The following AGPAT2 variants were observed in gnomAD, a reference collection of about 807,000 sequenced individuals.
The protein encoded by AGPAT2 is 1-acyl-sn-glycerol-3-phosphate acyltransferase beta.
AGPAT2 carries 18 observed loss-of-function variants against 26.1 expected under a neutral mutation model. The ratio of observed to expected loss-of-function variants is 0.69; its 90% CI spans 0.48 to 1.02. AGPAT2 has a LOEUF of 1.02. Ranked by LOEUF, AGPAT2 falls within the 50% of genes least tolerant of loss-of-function variation. The pLI is 0.00. For missense variants in AGPAT2, 415 were observed against 394.9 expected (o/e 1.05, Z -0.43); for synonymous variants, 200 against 174.2 (o/e 1.15, Z -1.16).
chr9:136,674,026 T>C (rs898986047), intron 5 of AGPAT2, 99 bp from the exon 6 acceptor site: 55 of 1,239,244 alleles, frequency 4.4e-5, no homozygotes, highest in Middle Eastern at 2.9e-4. Context: ...CCACAGCCCC[T>C]CCCTGGGAAG....
At position 136,676,539 on chromosome 9, in the gene AGPAT2, G is replaced by A. The variant is rs745560344; in HGVS notation, c.588+46C>T. ...TGCTGCCTTAAGCCAGCCTGACCCC[G>A]CCTCCCCAGCCTGCACCCACCCAGG... On this transcript the variant is annotated intron_variant, in intron 4 of 5. Coordinates refer to ENST00000371696, the MANE Select transcript of AGPAT2 (RefSeq NM_006412.4). 83 of 1,521,186 alleles carry A rather than the reference G, an allele frequency of 5.5e-5. No individual in the cohort carries two copies. In the Admixed American group the frequency reaches 1.1e-3, roughly 21 times the overall value. The allele number at this position is 1,521,186 out of a possible 1,614,324, so 94.2% of individuals were successfully genotyped here. A position where few individuals can be genotyped will look rare whatever the true frequency, so the allele number is the denominator to read the frequency against.
In AGPAT2 at chr9:136,673,776, C is replaced by A. The variant is rs759149037; in HGVS notation, c.813G>T (p.Gly271=). ...GCTACTGGGCCGGCTGCACGCCAGA[C>A]CCCGCAGTGGCCCCGTTCTCCTGGG... is the stretch of plus-strand genomic sequence containing the variant. ...KTPQENGATA[G]SGVQPAQ is the part of the protein sequence containing the mutation. The change falls in exon 6 of 6, where the codon GGG becomes GGT. Residue 271 remains glycine, a synonymous_variant. Transcript: ENST00000371696. 1.8e-5 allele frequency: 29 copies of A among 1,601,080 alleles called. No individual in the cohort carries two copies. The highest frequency in any genetic ancestry group is 2.3e-4 in the Middle Eastern group (1 of 4,438).
intron 1 of AGPAT2, among the ~76,000 whole-genome samples, chr9:136,679,558 C>T (rs1382698315): frequency 6.6e-6 from 1 of 152,184 alleles, no homozygotes; most frequent in Non-Finnish European, 1.5e-5. Flanking sequence ...GCTGTTTTGC[C>T]TCCACACTCA....
intron 1 of AGPAT2, among the ~76,000 whole-genome samples, chr9:136,678,936 A>G (rs560576445): frequency 3.3e-5 from 5 of 152,240 alleles, no homozygotes; most frequent in African/African-American, 1.2e-4. Flanking sequence ...TATTTTTGGT[A>G]CAGATGGGCT....
In AGPAT2 at chr9:136,673,731, C is replaced by G. The variant is rs749380856; in HGVS notation, c.*21G>C. 5 of 1,555,526 alleles carry G rather than the reference C, an allele frequency of 3.2e-6. No individual in the cohort carries two copies. The highest frequency in any genetic ancestry group is 3.5e-6 in the Non-Finnish European group (4 of 1,149,080). The stretch of plus-strand genomic sequence containing the variant: ...CGGCTTCCACCTGCCCTCCCCAGGT[C>G]ATGCCCTGCCGTGGTCTGGGCTACT... On this transcript the variant is annotated 3_prime_UTR_variant, in exon 6 of 6. Transcript: ENST00000371696.
At chr9:136,684,034 T>G (rs1320716029) in intron 1 of AGPAT2, among the ~76,000 whole-genome samples, 2 of 152,112 alleles carry the variant, frequency 1.3e-5, no homozygotes, top group Admixed American at 1.3e-4. Context: ...AACCACTAGG[T>G]CCCGGCCTCC....
intron 1 of AGPAT2, 117 bp from the exon 2 acceptor site, chr9:136,677,673 C>T: frequency 7.7e-7 from 1 of 1,302,524 alleles, no homozygotes; most frequent in Non-Finnish European, 1.1e-6. Flanking sequence ...TGGCACGGGG[C>T]AGGAGACCGG....
intron 1 of AGPAT2, among the ~76,000 whole-genome samples, chr9:136,683,003 G>A (rs969064506): frequency 1.3e-5 from 2 of 150,530 alleles, no homozygotes; most frequent in South Asian, 2.1e-4. Flanking sequence ...GGAGACACCC[G>A]GGGCACCATC....
chr9:136,676,773 A>T, intron 3 of AGPAT2, 93 bp from the exon 4 acceptor site: 1 of 1,374,512 alleles, frequency 7.3e-7, no homozygotes, highest in Non-Finnish European at 1.0e-6. Flanking sequence ...CACTTCGCAA[A>T]GCAGCTGGCA....
rs1174109068 is a variant in AGPAT2 at position 136,676,555 on chromosome 9, C to A, written c.588+30G>T. 3 of 1,592,084 alleles carry A rather than the reference C, an allele frequency of 1.9e-6. No individual in the cohort carries two copies. In the Middle Eastern group the frequency reaches 5.1e-4, roughly 272 times the overall value. ...CCTGACCCCGCCTCCCCAGCCTGCACCCACCCAGGGAGGGCTGGGCTCAGC... is the reference window on the plus strand; with the variant it reads ...CCTGACCCCGCCTCCCCAGCCTGCAACCACCCAGGGAGGGCTGGGCTCAGC... On this transcript the variant is annotated intron_variant, in intron 4 of 5. Transcript: ENST00000371696.
rs1298055714 is a variant in AGPAT2, at chr9:136,682,474, C to T, written c.182+4702G>A. On this transcript the variant is annotated intron_variant, in intron 1 of 5. Coordinates refer to ENST00000371696, the MANE Select transcript of AGPAT2 (RefSeq NM_006412.4). Reference sequence around the variant, plus strand: ...TGTGCCAGACCAGGACACAGTCACACGGACCCCAAATCCAGGTCCTGGACT... The same window carrying T: ...TGTGCCAGACCAGGACACAGTCACATGGACCCCAAATCCAGGTCCTGGACT... Among the ~76,000 whole-genome samples the T allele has an allele frequency of 2.0e-5, 3 of 152,344 alleles. No homozygotes were observed. The East Asian group carries it at 5.8e-4, about 29-fold the overall frequency.
intron 1 of AGPAT2, among the ~76,000 whole-genome samples, chr9:136,683,889 T>C (rs1183291510): frequency 6.6e-6 from 1 of 152,212 alleles, no homozygotes; most frequent in African/African-American, 2.4e-5. Context: ...CCCGGGACCA[T>C]GCACTGGCCG....
chr9:136,677,396 A>G lies in AGPAT2; in HGVS notation c.316+27T>C, dbSNP rs371337243. 8.7e-6 allele frequency: 14 copies of G among 1,612,830 alleles called. No individual in the cohort carries two copies. In the African/African-American group the frequency reaches 1.9e-4, roughly 22 times the overall value. ...GCTCAGCCGGCCCCACTCAAACCCC[A>G]GAAGCCACCCCCGAGGCCCGGCCTA... On this transcript the variant is annotated intron_variant, in intron 2 of 5. Transcript: ENST00000371696.
chr9:136,675,568 G>A (rs956510147), intron 4 of AGPAT2, among the ~76,000 whole-genome samples: 6 of 151,240 alleles, frequency 4.0e-5, no homozygotes, highest in Admixed American at 3.3e-4. Context: ...GGAGGGAGGG[G>A]GCCAGCAGGT....
At chr9:136,677,701 G>C (rs532590133) in intron 1 of AGPAT2, 145 bp from the exon 2 acceptor site, 8 of 992,758 alleles carry the variant, frequency 8.1e-6, no homozygotes, top group Middle Eastern at 3.1e-4. Context: ...AGGGGAGGGA[G>C]CCCCTGAAGC....
In AGPAT2 at chr9:136,677,024, C is replaced by A. The variant is rs199768207; in HGVS notation, c.429G>T (p.Arg143=). 10 of 1,608,082 alleles carry A rather than the reference C, an allele frequency of 6.2e-6. No individual in the cohort carries two copies. Among genetic ancestry groups the A allele is most frequent in the Non-Finnish European group, 8.5e-6 (10 of 1,177,278 alleles). Residue 143 remains arginine, a synonymous_variant, in exon 3 of 6, where the codon CGG becomes CGT. Transcript: ENST00000371696. ...CTGTCATGGCAGTGCTAGAGCGCTG[C>A]CGGTTGATGAAGAAGACGCCCCCGA... ...MYLGGVFFIN[R]QRSSTAMTVM... is the part of the protein sequence containing the mutation.
At chr9:136,678,177 G>A (rs918773814) in intron 1 of AGPAT2, among the ~76,000 whole-genome samples, 8 of 152,162 alleles carry the variant, frequency 5.3e-5, no homozygotes, top group African/African-American at 1.4e-4. Context: ...CGAGGGGCTC[G>A]GGGCTTGTCT....
intron 1 of AGPAT2, 42 bp from the exon 2 acceptor site, chr9:136,677,598 G>A (rs1453679433): frequency 3.7e-6 from 6 of 1,611,824 alleles, no homozygotes; most frequent in Admixed American, 1.7e-5. Context: ...CACAGATCCC[G>A]CAGCCGAGGC....
chr9:136,673,403 G>A lies in AGPAT2; in HGVS notation c.*349C>T. ...AGAGGGCTCGGACAGTGTGCGTCTG[G>A]CCTCGGGGTCCTCCCATCTGCTCCT... On this transcript the variant is annotated 3_prime_UTR_variant, in exon 6 of 6. Coordinates refer to ENST00000371696, the MANE Select transcript of AGPAT2 (RefSeq NM_006412.4). 4.8e-6 allele frequency: 1 copy of A among 206,540 alleles called. No individual in the cohort carries two copies. Among genetic ancestry groups the A allele is most frequent in the Non-Finnish European group, 9.7e-6 (1 of 103,374 alleles). 12.8% of individuals were successfully genotyped at this position (206,540 alleles called of 1,614,324 possible). A position where few individuals can be genotyped will look rare whatever the true frequency, so the allele number is the denominator to read the frequency against.
Sources: allele counts gnomAD v4.1 joint callset (sites outside exome capture counted in the v4.1 genomes callset), GRCh38; gene constraint gnomAD v4.1.1; transcripts MANE v1.5; gene names NCBI Gene and HGNC (gene_info 2026-07-23, HGNC 2026-07-21).